The following PRKCI variants were observed in gnomAD, a reference collection of about 807,000 sequenced individuals.
The protein encoded by PRKCI is protein kinase C iota.
Under a neutral mutation model 84.0 loss-of-function variants are expected in PRKCI, and 43 were observed. The observed-to-expected ratio is 0.51, with a 90% CI of 0.40 to 0.66. The LOEUF (loss-of-function observed/expected upper bound fraction) is 0.66. PRKCI is among the 30% of genes least tolerant of loss of function. The pLI, the probability that PRKCI is intolerant of heterozygous loss-of-function variation, is 0.00. For synonymous variants in PRKCI, 216 were observed against 234.4 expected, an observed-to-expected ratio of 0.92 and a Z score of 0.72; for missense variants, 459 against 745.6, an observed-to-expected ratio of 0.62 and a Z score of 4.48.
At chr3:170,250,268 G>A (rs1184641323) in intron 2 of PRKCI, among the ~76,000 whole-genome samples, 2 of 133,082 alleles carry the variant, frequency 1.5e-5, no homozygotes, top group East Asian at 2.2e-4. Context: ...GTGAGACTTG[G>A]TCTGAAAAAA....
At chr3:170,236,827 A>C (rs1577342110) in intron 2 of PRKCI, among the ~76,000 whole-genome samples, 1 of 148,828 alleles carries the variant, frequency 6.7e-6, no homozygotes, top group Non-Finnish European at 1.5e-5. Flanking sequence ...GTGCCACTGC[A>C]CTCCAGCAAC....
rs755166714 is a variant in PRKCI at position 170,281,159 on chromosome 3, A to G, written c.883-7A>G. 6.2e-7 allele frequency: 1 copy of G among 1,609,844 alleles called. No homozygotes were observed. The highest frequency in any genetic ancestry group is 8.5e-7 in the Non-Finnish European group (1 of 1,177,422). On this transcript the variant is annotated splice_region_variant and splice_polypyrimidine_tract_variant and intron_variant, in intron 9 of 17. Coordinates refer to ENST00000295797, the MANE Select transcript of PRKCI (RefSeq NM_002740.6). ...TTGACATAGATTTCTTACATGTTTC[A>G]AAATAGGATATTGATTGGGTACAGA...
chr3:170,264,826 A>C (rs1733818434), intron 4 of PRKCI, among the ~76,000 whole-genome samples: 1 of 152,186 alleles, frequency 6.6e-6, no homozygotes, highest in South Asian at 2.1e-4. Flanking sequence ...TTTGTATTTT[A>C]AAATGGACTC....
intron 8 of PRKCI, among the ~76,000 whole-genome samples, chr3:170,277,966 A>G (rs1285085207): frequency 6.6e-6 from 1 of 152,096 alleles, no homozygotes; most frequent in Non-Finnish European, 1.5e-5. Context: ...CAAGAACTCA[A>G]TTTAGTTTTT....
chr3:170,238,178 C>T (rs547689444), intron 2 of PRKCI, among the ~76,000 whole-genome samples: 1 of 152,190 alleles, frequency 6.6e-6, no homozygotes, highest in South Asian at 2.1e-4. Context: ...GCCTGACCAG[C>T]ATAGTGAAAC....
At chr3:170,293,316 A>G in intron 13 of PRKCI, 67 bp from the exon 14 acceptor site, 2 of 1,452,912 alleles carry the variant, frequency 1.4e-6, no homozygotes, top group Non-Finnish European at 1.9e-6. Flanking sequence ...ATGTGATAAA[A>G]TTTCCAGTTA....
chr3:170,298,515 C>T (rs1412639214), intron 16 of PRKCI, among the ~76,000 whole-genome samples: 1 of 151,298 alleles, frequency 6.6e-6, no homozygotes, highest in African/African-American at 2.4e-5. Flanking sequence ...AGCGATTTCT[C>T]CTGTCTCAGC....
rs545163194 is a variant in PRKCI at position 170,299,133 on chromosome 3, A to T, written c.1703+23A>T. 11 of 1,437,924 alleles carry T rather than the reference A, an allele frequency of 7.6e-6. No individual in the cohort carries two copies. In the South Asian group the frequency reaches 1.4e-4, roughly 18 times the overall value. 89.1% of individuals were successfully genotyped at this position (1,437,924 alleles called of 1,614,324 possible). On this transcript the variant is annotated intron_variant, in intron 17 of 17. Coordinates refer to ENST00000295797, the MANE Select transcript of PRKCI (RefSeq NM_002740.6). ...CGAGTAAGTAATTCTGTACACTGAA[A>T]TTTTTTTTTAAGTTCTTTGGAAATC...
At chr3:170,271,158 T>C (rs1733995822) in intron 6 of PRKCI, among the ~76,000 whole-genome samples, 1 of 152,176 alleles carries the variant, frequency 6.6e-6, no homozygotes, top group South Asian at 2.1e-4. Context: ...CCTGTGCAAA[T>C]TTATATGCAT....
At chr3:170,281,700 C>A in intron 10 of PRKCI, 182 bp from the exon 11 acceptor site, 1 of 677,988 alleles carries the variant, frequency 1.5e-6, no homozygotes, top group Non-Finnish European at 2.2e-6. Flanking sequence ...AAATTATTAT[C>A]ATGCTGGTTT....
At chr3:170,288,260 G>C (rs951978048) in intron 12 of PRKCI, among the ~76,000 whole-genome samples, 1 of 151,486 alleles carries the variant, frequency 6.6e-6, no homozygotes, top group African/African-American at 2.4e-5. Context: ...AAAAAAAAAG[G>C]ACTTTTCTCT....
intron 8 of PRKCI, among the ~76,000 whole-genome samples, chr3:170,278,237 C>T (rs1297808946): frequency 5.9e-5 from 9 of 152,140 alleles, no homozygotes; most frequent in African/African-American, 4.8e-5. Flanking sequence ...TTCCAGTTAG[C>T]CATATTTCAA....
At chr3:170,291,796 G>A in intron 12 of PRKCI, 58 bp from the exon 13 acceptor site, 3 of 1,344,770 alleles carry the variant, frequency 2.2e-6, no homozygotes, top group Non-Finnish European at 3.2e-6. Flanking sequence ...AATAGAAAGG[G>A]TGAATTTAAA....
chr3:170,225,157 C>T (rs775373834), intron 1 of PRKCI, among the ~76,000 whole-genome samples: 1 of 152,182 alleles, frequency 6.6e-6, no homozygotes, highest in East Asian at 1.9e-4. Context: ...TTTGCTGCGG[C>T]GCAAATAACC....
Position 170,280,243 on chromosome 3 carries a change from A to G in PRKCI, c.722A>G (p.Glu241Gly), listed in dbSNP as rs1560181245. 6.2e-7 allele frequency: 1 copy of G among 1,610,996 alleles called. No individual in the cohort carries two copies. The highest frequency in any genetic ancestry group is 8.5e-7 in the Non-Finnish European group (1 of 1,179,548). ...GEEKEAMNTR[E>G]SGKASSSLGL... Reference sequence around the variant, plus strand: ...TCTCAACAGGCAATGAACACCAGGGAAAGTGGCAAAGCTTCATCCAGTCTA... The same window carrying G: ...TCTCAACAGGCAATGAACACCAGGGGAAGTGGCAAAGCTTCATCCAGTCTA... Residue 241 changes from glutamate to glycine, a missense_variant, in exon 9 of 18, where the codon GAA (glutamate) becomes GGA (glycine). Physicochemically the swap from Glu to Gly is moderately conservative, Grantham distance 98 (BLOSUM62 -2). Around this residue, in one of 2 missense-constraint regions of PRKCI, gnomAD observed 250 missense variants for 319.7 expected, o/e 0.78. Transcript: ENST00000295797.
chr3:170,238,594 C>CTTTTTT (rs1231292323), intron 2 of PRKCI, among the ~76,000 whole-genome samples: 3 of 125,124 alleles, frequency 2.4e-5, no homozygotes, highest in Non-Finnish European at 3.4e-5. Flanking sequence ...CATTTCTTTT[C>CTTTTTT]TTTTTTTTTT....
rs998639409 is a variant in PRKCI, at chr3:170,273,984, G to A, written c.646+644G>A. Among the ~76,000 whole-genome samples, 45 of 151,176 alleles carry A rather than the reference G, an allele frequency of 3.0e-4. 1 individual carries two copies. The highest frequency in any genetic ancestry group is 2.4e-3 in the Admixed American group (37 of 15,160). On this transcript the variant is annotated intron_variant, in intron 7 of 17. Transcript: ENST00000295797. ...CTGTCTCTATTTAAAAAAAAAAAAA[G>A]TATGTAAACTACAACAAATGACTAT...
At chr3:170,260,083 C>A in intron 3 of PRKCI, 25 bp downstream of exon 3, 1 of 1,397,962 alleles carries the variant, frequency 7.2e-7, no homozygotes, top group Non-Finnish European at 1.0e-6. Flanking sequence ...ATTTCATACT[C>A]GTCCAGACTG....
At chr3:170,300,024 A>G (rs901794860) in intron 17 of PRKCI, among the ~76,000 whole-genome samples, 3 of 152,180 alleles carry the variant, frequency 2.0e-5, no homozygotes, top group African/African-American at 7.2e-5. Flanking sequence ...GTTTGGAATA[A>G]TTGGGAGATA....
Sources: gnomAD v4.1 joint callset for allele counts (sites outside exome capture counted in the v4.1 genomes callset) on GRCh38, gnomAD v4.1.1 for gene constraint, gnomAD v4.1.1 regional missense constraint, MANE v1.5 for transcripts, NCBI Gene and HGNC (gene_info 2026-07-23, HGNC 2026-07-21) for gene names.